Variants in DGKI observed in about 807,000 individuals in gnomAD.
DGKI encodes diacylglycerol kinase iota, also known as DAG kinase iota.
Under a neutral mutation model 147.5 loss-of-function variants are expected in DGKI, and 55 were observed. That is an observed-to-expected ratio of 0.37 (90% CI 0.30 to 0.47). The LOEUF is 0.47. DGKI is among the 20% of genes least tolerant of loss of function. The pLI, the probability that DGKI is intolerant of heterozygous loss-of-function variation, is 1.00. For synonymous variants in DGKI, 469 were observed against 477.1 expected, an observed-to-expected ratio of 0.98 and a Z score of 0.22; for missense variants, 1,007 against 1,323.8, an observed-to-expected ratio of 0.76 and a Z score of 3.71.
At chr7:137,730,969 T>G (rs1251428656) in intron 1 of DGKI, among the ~76,000 whole-genome samples, 2 of 152,074 alleles carry the variant, frequency 1.3e-5, no homozygotes, top group Non-Finnish European at 2.9e-5. Context: ...CTCATTTCAC[T>G]AGGTTCAAAG....
intron 19 of DGKI, among the ~76,000 whole-genome samples, chr7:137,567,981 G>T (rs1270499479): frequency 6.6e-6 from 1 of 152,128 alleles, no homozygotes; most frequent in Non-Finnish European, 1.5e-5. Context: ...TCCATGAATT[G>T]AAAATTATAA....
chr7:137,737,512 TA>T (rs11435717), intron 1 of DGKI, among the ~76,000 whole-genome samples: 1,523 of 146,468 alleles, frequency 0.01, 19 homozygotes, highest in African/African-American at 0.033. Context: ...TTCGTTTTAT[TA>T]AAAAAAAAAA....
intron 26 of DGKI, among the ~76,000 whole-genome samples, chr7:137,464,156 C>T (rs1035062892): frequency 6.7e-6 from 1 of 149,164 alleles, no homozygotes; most frequent in East Asian, 2.0e-4. Context: ...ACCCATGAGG[C>T]TGAGGCAGGA....
At chr7:137,418,485 A>C (rs1812442787) in intron 28 of DGKI, among the ~76,000 whole-genome samples, 1 of 152,224 alleles carries the variant, frequency 6.6e-6, no homozygotes, top group African/African-American at 2.4e-5. Context: ...AGAAGACAAT[A>C]TTGGGGAATA....
chr7:137,427,326 G>C (rs1812858589), intron 28 of DGKI, among the ~76,000 whole-genome samples: 1 of 152,158 alleles, frequency 6.6e-6, no homozygotes, highest in Admixed American at 6.5e-5. Context: ...AACGAAGGCA[G>C]AAATAAAGAT....
intron 1 of DGKI, among the ~76,000 whole-genome samples, chr7:137,826,272 G>A (rs761749876): frequency 1.3e-5 from 2 of 152,202 alleles, no homozygotes; most frequent in Non-Finnish European, 2.9e-5. Context: ...GCGTGAGCCA[G>A]CTCTCAGGCA....
chr7:137,498,591 T>A (rs1402512308), intron 21 of DGKI, among the ~76,000 whole-genome samples: 1 of 152,080 alleles, frequency 6.6e-6, no homozygotes, highest in Non-Finnish European at 1.5e-5. Flanking sequence ...GTTTTTGAAC[T>A]TCTCAAAGGC....
At chr7:137,603,725 T>G (rs1820076072) in intron 10 of DGKI, among the ~76,000 whole-genome samples, 1 of 152,072 alleles carries the variant, frequency 6.6e-6, no homozygotes, top group Non-Finnish European at 1.5e-5. Flanking sequence ...GAAAAATGAG[T>G]AGACTTAACT....
At position 137,748,627 on chromosome 7, in the gene DGKI, G is replaced by A. The variant is rs1372500078; in HGVS notation, c.402-58625C>T. Among the ~76,000 whole-genome samples the A allele has an allele frequency of 2.6e-5, 4 of 152,172 alleles. No homozygotes were observed. In the East Asian group the frequency reaches 7.7e-4, roughly 29 times the overall value. ...CAGTCTAGTATTAGTTCTTGGAAAAGAGGAAGCCATGGGGAACTTTTATTT... is the reference window on the plus strand; with the variant it reads ...CAGTCTAGTATTAGTTCTTGGAAAAAAGGAAGCCATGGGGAACTTTTATTT... On this transcript the variant is annotated intron_variant, in intron 1 of 32. Transcript: ENST00000614521.
At chr7:137,463,687 G>T in intron 26 of DGKI, 76 bp from the exon 27 acceptor site, 1 of 1,553,008 alleles carries the variant, frequency 6.4e-7, no homozygotes, top group South Asian at 1.2e-5. Context: ...TTCTGAAGAT[G>T]AATCTTGCCA....
rs1795273720 is a variant in DGKI at position 137,744,696 on chromosome 7, T to C, written c.402-54694A>G. The stretch of plus-strand genomic sequence containing the variant: ...AGCATATCAAAAAGTGAATTCACCA[T>C]GATAAAGTCAGCTTTAATCCTGGGA... On this transcript the variant is annotated intron_variant, in intron 1 of 32. Transcript: ENST00000614521. Among the ~76,000 whole-genome samples, 3 of 152,158 alleles carry C rather than the reference T, an allele frequency of 2.0e-5. No homozygotes were observed. In the South Asian group the frequency reaches 6.2e-4, roughly 32 times the overall value.
chr7:137,407,566 AGCACAC>A (rs1451720275), intron 30 of DGKI, among the ~76,000 whole-genome samples: 1 of 152,204 alleles, frequency 6.6e-6, no homozygotes. Flanking sequence ...AAAAAAATAA[AGCACAC>A]GATGCCAGGC....
chr7:137,661,382 G>A (rs1822421558), intron 3 of DGKI, among the ~76,000 whole-genome samples: 1 of 152,108 alleles, frequency 6.6e-6, no homozygotes, highest in Non-Finnish European at 1.5e-5. Flanking sequence ...CCAGCTATGA[G>A]GCCACAGTGA....
At chr7:137,559,885 T>C (rs913506004) in intron 19 of DGKI, among the ~76,000 whole-genome samples, 9 of 152,272 alleles carry the variant, frequency 5.9e-5, no homozygotes, top group Admixed American at 2.0e-4. Flanking sequence ...AGTGACAGAA[T>C]CAATAAAATA....
rs146773428 is a variant in DGKI, at chr7:137,437,422, C to T, written c.2761+6655G>A. Among the ~76,000 whole-genome samples, 777 of 152,030 alleles carry T rather than the reference C, an allele frequency of 5.1e-3. 6 individuals are homozygous for T. The highest frequency in any genetic ancestry group is 0.017 in the African/African-American group (719 of 41,464). ...AAATTGTCACTAAAAATATAAAGTA[C>T]CTAGGAATATATTTAACACAAAAAT... On this transcript the variant is annotated intron_variant, in intron 28 of 32. Transcript: ENST00000614521.
intron 1 of DGKI, among the ~76,000 whole-genome samples, chr7:137,828,020 GC>G (rs767255286): frequency 6.6e-6 from 1 of 152,104 alleles, no homozygotes; most frequent in Non-Finnish European, 1.5e-5. Flanking sequence ...AGACATAAGT[GC>G]CCTCTCTCAG....
At chr7:137,653,204 A>C (rs536016660) in intron 5 of DGKI, among the ~76,000 whole-genome samples, 11 of 152,332 alleles carry the variant, frequency 7.2e-5, no homozygotes, top group Admixed American at 2.0e-4. Flanking sequence ...TTGTGTCCAA[A>C]ATCCAATCAA....
intron 21 of DGKI, among the ~76,000 whole-genome samples, chr7:137,495,004 T>C (rs996730041): frequency 4.0e-5 from 6 of 151,790 alleles, no homozygotes; most frequent in Non-Finnish European, 8.8e-5. Context: ...CTACCATAAT[T>C]TCAGACAAAA....
At chr7:137,732,125 A>T (rs1171349374) in intron 1 of DGKI, among the ~76,000 whole-genome samples, 7 of 152,092 alleles carry the variant, frequency 4.6e-5, no homozygotes, top group Non-Finnish European at 1.0e-4. Flanking sequence ...ATCTATATAA[A>T]TATTAGCTAG....
Sources: allele counts gnomAD v4.1 joint callset (sites outside exome capture counted in the v4.1 genomes callset), GRCh38; gene constraint gnomAD v4.1.1; transcripts MANE v1.5; gene names NCBI Gene and HGNC (gene_info 2026-07-23, HGNC 2026-07-21).